Variants in OR1J2 observed in about 807,000 individuals in gnomAD.
OR1J2 encodes the protein olfactory receptor family 1 subfamily J member 2, also known as olfactory receptor 1J2.
For synonymous variants in OR1J2, 142 were observed against 99.7 expected, an observed-to-expected ratio of 1.42 and a Z score of -2.52; for missense variants, 304 against 246.1, an observed-to-expected ratio of 1.24 and a Z score of -1.57.
chr9:122,474,424 G>A, the OR1J2 span, among the ~76,000 whole-genome samples: 110 of 152,250 alleles, frequency 7.2e-4, no homozygotes, highest in Middle Eastern at 3.4e-3. Context: ...CGCCTGATGT[G>A]GGATGAGATC....
chr9:122,472,158 G>A, the OR1J2 span, among the ~76,000 whole-genome samples: 1 of 152,134 alleles, frequency 6.6e-6, no homozygotes, highest in African/African-American at 2.4e-5. Context: ...CCTTTGCATG[G>A]ATACAAATGT....
the OR1J2 span, among the ~76,000 whole-genome samples, chr9:122,548,589 TTA>T: frequency 6.6e-6 from 1 of 151,172 alleles, no homozygotes; most frequent in Non-Finnish European, 1.5e-5. Context: ...TTTAAAATTT[TTA>T]TATATATATA....
At chr9:122,540,486 G>T in the OR1J2 span, among the ~76,000 whole-genome samples, 1 of 151,926 alleles carries the variant, frequency 6.6e-6, no homozygotes, top group South Asian at 2.1e-4. Context: ...TCTCTGTTTT[G>T]GTACCAGTAC....
chr9:122,495,054 CT>C, the OR1J2 span, among the ~76,000 whole-genome samples: 433 of 152,308 alleles, frequency 2.8e-3, 4 homozygotes, highest in African/African-American at 0.01. Flanking sequence ...GAGAAATCTG[CT>C]GTTAATCTGA....
At chr9:122,453,925 C>G in the OR1J2 span, among the ~76,000 whole-genome samples, 6 of 152,142 alleles carry the variant, frequency 3.9e-5, no homozygotes, top group African/African-American at 1.4e-4. Context: ...CAGTGAGGTT[C>G]AAAGGCAGGA....
chr9:122,469,580 AG>A, the OR1J2 span, among the ~76,000 whole-genome samples: 1 of 152,232 alleles, frequency 6.6e-6, no homozygotes, highest in Admixed American at 6.5e-5. Context: ...ACTGCTGAAA[AG>A]ATACCCGAAA....
the OR1J2 span, chr9:122,553,277 G>C: frequency 8.1e-6 from 13 of 1,613,962 alleles, no homozygotes; most frequent in Admixed American, 6.7e-5. Context: ...GACTCTCTGA[G>C]TGGCCAGAGG....
At chr9:122,464,387 C>G in the OR1J2 span, among the ~76,000 whole-genome samples, 1 of 152,216 alleles carries the variant, frequency 6.6e-6, no homozygotes, top group Non-Finnish European at 1.5e-5. Flanking sequence ...GGCTCCAAGC[C>G]TCTCAGCTGA....
the OR1J2 span, among the ~76,000 whole-genome samples, chr9:122,454,260 G>A: frequency 6.6e-6 from 1 of 152,232 alleles, no homozygotes; most frequent in Non-Finnish European, 1.5e-5. Context: ...GCTCACGCCT[G>A]TAATCCCAGC....
chr9:122,472,009 A>G, the OR1J2 span, among the ~76,000 whole-genome samples: 1 of 152,244 alleles, frequency 6.6e-6, no homozygotes, highest in Non-Finnish European at 1.5e-5. Context: ...GTCAGGTACC[A>G]TCAATAAAGC....
At chr9:122,508,684 T>C (rs2119375321), upstream of OR1J2, among the ~76,000 whole-genome samples, 1 of 152,264 alleles carries the variant, frequency 6.6e-6, no homozygotes. Flanking sequence ...ACACATGGAT[T>C]TTGTTGCATT....
At chr9:122,516,268 C>G (rs1828698739), downstream of OR1J2, among the ~76,000 whole-genome samples, 1 of 148,432 alleles carries the variant, frequency 6.7e-6, no homozygotes. Flanking sequence ...GATCAAGAGG[C>G]TGAATGTGGT....
At chr9:122,479,374 C>T in the OR1J2 span, among the ~76,000 whole-genome samples, 5 of 152,200 alleles carry the variant, frequency 3.3e-5, no homozygotes, top group Non-Finnish European at 7.4e-5. Flanking sequence ...GTTTGGATTT[C>T]CTCCTCCAGT....
chr9:122,467,705 C>G, the OR1J2 span, among the ~76,000 whole-genome samples: 7 of 152,196 alleles, frequency 4.6e-5, no homozygotes, highest in African/African-American at 1.7e-4. Context: ...AAAAAACAGT[C>G]TCATTATTCT....
the OR1J2 span, among the ~76,000 whole-genome samples, chr9:122,564,911 A>G: frequency 2.0e-5 from 3 of 152,232 alleles, no homozygotes; most frequent in African/African-American, 7.2e-5. Context: ...GTCCTTCCAC[A>G]AGATGCCACA....
chr9:122,510,866 A>G lies in OR1J2; in HGVS notation c.65A>G (p.Glu22Gly), dbSNP rs978663736. Residue 22 changes from glutamate (E) to glycine (G), a missense_variant, in exon 1 of 1, where the codon GAG becomes GGG. Coordinates refer to ENST00000335302, the MANE Select transcript of OR1J2 (RefSeq NM_054107.1). Reference sequence around the variant, plus strand: ...CTTCTGGGCCTCCCCATCCGGCCAGAGCAGCAGGCTGTGTTCTTCACCCTG... The same window carrying G: ...CTTCTGGGCCTCCCCATCCGGCCAGGGCAGCAGGCTGTGTTCTTCACCCTG... ...FLLLGLPIRPEQQAVFFTLFL... is the reference protein window; with the variant it reads ...FLLLGLPIRPGQQAVFFTLFL... The G allele has an allele frequency of 6.2e-7, 1 of 1,611,300 alleles. No homozygotes were observed. Among genetic ancestry groups the G allele is most frequent in the Admixed American group, 1.7e-5 (1 of 60,004 alleles).
chr9:122,461,876 T>C, the OR1J2 span, among the ~76,000 whole-genome samples: 1 of 152,192 alleles, frequency 6.6e-6, no homozygotes, highest in Non-Finnish European at 1.5e-5. Flanking sequence ...TGCTGATGAA[T>C]AGAATATATA....
At chr9:122,502,084 A>C in the OR1J2 span, among the ~76,000 whole-genome samples, 3,709 of 152,284 alleles carry the variant, frequency 0.024, 136 homozygotes, top group African/African-American at 0.083. Flanking sequence ...CTAGCTTGCT[A>C]TCTGTGTAAA....
At chr9:122,519,395 G>A in the OR1J2 span, 2 of 1,613,984 alleles carry the variant, frequency 1.2e-6, no homozygotes, top group Non-Finnish European at 1.7e-6. Flanking sequence ...TATTAAGCAT[G>A]CAAACTCAGG....
Sources: gnomAD v4.1 joint callset for allele counts (sites outside exome capture counted in the v4.1 genomes callset) on GRCh38, gnomAD v4.1.1 for gene constraint, MANE v1.5 for transcripts, NCBI Gene and HGNC (gene_info 2026-07-23, HGNC 2026-07-21) for gene names.